The following NRG3 variants were observed in gnomAD, a reference collection of about 807,000 sequenced individuals.
NRG3 encodes the protein pro-neuregulin-3, membrane-bound isoform.
In NRG3, 31 loss-of-function variants were observed where a neutral mutation model predicts 66.9. The ratio of observed to expected loss-of-function variants is 0.46; its 90% CI spans 0.35 to 0.63. NRG3 has a LOEUF of 0.63. Ranked by LOEUF, NRG3 falls within the 20% of genes least tolerant of loss-of-function variation. The probability of loss-of-function intolerance (pLI) is 0.00; values close to 1 mark genes in which losing one functional copy is unlikely to be tolerated. For missense variants in NRG3, 910 were observed against 878.9 expected, an observed-to-expected ratio of 1.04 and a Z score of -0.45; for synonymous variants, 393 against 359.4, an observed-to-expected ratio of 1.09 and a Z score of -1.06.
intron 2 of NRG3, among the ~76,000 whole-genome samples, chr10:82,571,244 A>G (rs185504345): frequency 1.9e-3 from 287 of 151,786 alleles, no homozygotes; most frequent in African/African-American, 6.3e-3. Context: ...AATAAGAAAT[A>G]TACAAATAGG....
intron 3 of NRG3, among the ~76,000 whole-genome samples, chr10:82,832,824 G>T (rs2062594992): frequency 6.6e-6 from 1 of 151,872 alleles, no homozygotes; most frequent in African/African-American, 2.4e-5. Flanking sequence ...GTGTGTGTGT[G>T]TGTGTGTGTG....
intron 2 of NRG3, among the ~76,000 whole-genome samples, chr10:82,541,942 C>A (rs2132762684): frequency 6.6e-6 from 1 of 152,216 alleles, no homozygotes; most frequent in African/African-American, 2.4e-5. Flanking sequence ...TTCTGGGATG[C>A]ATGTGCTGAG....
At chr10:82,571,081 A>G (rs750223430) in intron 2 of NRG3, among the ~76,000 whole-genome samples, 1 of 151,528 alleles carries the variant, frequency 6.6e-6, no homozygotes, top group Non-Finnish European at 1.5e-5. Flanking sequence ...ATACATAGGT[A>G]TATATATTTT....
At chr10:81,982,643 C>G (rs1356067735) in intron 1 of NRG3, among the ~76,000 whole-genome samples, 3 of 152,238 alleles carry the variant, frequency 2.0e-5, no homozygotes, top group African/African-American at 7.2e-5. Flanking sequence ...TCTTCTGTCT[C>G]TGTTCCCACG....
chr10:82,395,950 T>A (rs950572331), intron 2 of NRG3, among the ~76,000 whole-genome samples: 1 of 152,228 alleles, frequency 6.6e-6, no homozygotes, highest in East Asian at 1.9e-4. Context: ...TAGTAAAATG[T>A]AATTTAAGAT....
At chr10:82,808,095 A>G (rs561411309) in intron 3 of NRG3, among the ~76,000 whole-genome samples, 1 of 152,082 alleles carries the variant, frequency 6.6e-6, no homozygotes, top group African/African-American at 2.4e-5. Flanking sequence ...AGGAACATTT[A>G]TGGTTAATTC....
At chr10:82,460,165 A>G (rs571932209) in intron 2 of NRG3, among the ~76,000 whole-genome samples, 2 of 152,310 alleles carry the variant, frequency 1.3e-5, no homozygotes, top group South Asian at 4.1e-4. Context: ...AACAGGAATA[A>G]TAGCCATACT....
rs556510059 is a variant in NRG3 at position 82,945,089 on chromosome 10, G to A, written c.1055-6380G>A. Among the ~76,000 whole-genome samples the A allele has an allele frequency of 5.9e-5, 9 of 152,056 alleles. No homozygotes were observed. In the East Asian group the frequency reaches 7.7e-4, roughly 13 times the overall value. On this transcript the variant is annotated intron_variant, in intron 4 of 8. Transcript: ENST00000372141. ...TTTTGGGAGCACCCCAGAAAGTCAC[G>A]GTATGAAGAATTTTGTGTACCTGAG...
chr10:82,658,712 CTT>C (rs2052073439), intron 2 of NRG3, among the ~76,000 whole-genome samples: 1 of 152,020 alleles, frequency 6.6e-6, no homozygotes, highest in Non-Finnish European at 1.5e-5. Context: ...TAGTTAGAAA[CTT>C]TTTGGGTGAG....
intron 2 of NRG3, among the ~76,000 whole-genome samples, chr10:82,713,169 G>T (rs937481798): frequency 1.3e-5 from 2 of 150,642 alleles, no homozygotes; most frequent in Non-Finnish European, 3.0e-5. Flanking sequence ...AGGCAAGAGG[G>T]CTAATGGGAG....
chr10:82,766,928 A>C (rs1263460425), intron 3 of NRG3, among the ~76,000 whole-genome samples: 2 of 150,932 alleles, frequency 1.3e-5, no homozygotes, highest in Non-Finnish European at 3.0e-5. Context: ...TACCTTACTC[A>C]TAGGTATATT....
intron 1 of NRG3, among the ~76,000 whole-genome samples, chr10:82,107,270 T>A (rs1399665934): frequency 1.3e-5 from 2 of 152,196 alleles, no homozygotes; most frequent in Non-Finnish European, 2.9e-5. Flanking sequence ...AAACTTGGAT[T>A]TTGGATTTTT....
chr10:82,213,420 C>T (rs776373638), intron 1 of NRG3, among the ~76,000 whole-genome samples: 6 of 152,130 alleles, frequency 3.9e-5, no homozygotes, highest in Non-Finnish European at 8.8e-5. Flanking sequence ...AAATTATCTT[C>T]TAGATTTTGT....
chr10:82,318,275 T>C (rs3862547), intron 1 of NRG3, among the ~76,000 whole-genome samples: 61,925 of 152,008 alleles, frequency 0.41, 18,262 homozygotes, highest in African/African-American at 0.83. Context: ...GGCAGGTTTG[T>C]GTGACCCAGT....
intron 1 of NRG3, among the ~76,000 whole-genome samples, chr10:82,005,897 T>TTGTGTGTGTG (rs58906037): frequency 0.027 from 4,089 of 148,778 alleles, 62 homozygotes; most frequent in South Asian, 0.043. Flanking sequence ...AATGTGTATT[T>TTGTGTGTGTG]TGTGTGTGTG....
intron 1 of NRG3, among the ~76,000 whole-genome samples, chr10:82,168,265 G>T (rs2133058933): frequency 6.6e-6 from 1 of 152,186 alleles, no homozygotes; most frequent in South Asian, 2.1e-4. Context: ...TGCTGTGCTT[G>T]AAACCTATTC....
chr10:82,050,994 A>C (rs2133129854), intron 1 of NRG3, among the ~76,000 whole-genome samples: 1 of 151,074 alleles, frequency 6.6e-6, no homozygotes, highest in East Asian at 1.9e-4. Context: ...TTCTGGAAAT[A>C]GTGGGGAGGT....
intron 2 of NRG3, among the ~76,000 whole-genome samples, chr10:82,406,386 T>A (rs1010916416): frequency 6.6e-6 from 1 of 152,166 alleles, no homozygotes; most frequent in African/African-American, 2.4e-5. Flanking sequence ...CACTTTCAGG[T>A]AGGCCATTAG....
intron 2 of NRG3, among the ~76,000 whole-genome samples, chr10:82,718,072 G>A (rs2057083409): frequency 6.6e-6 from 1 of 151,972 alleles, no homozygotes; most frequent in Non-Finnish European, 1.5e-5. Flanking sequence ...CTCTGTTAAA[G>A]GAAGACATTT....
Sources: gnomAD v4.1 joint callset for allele counts (sites outside exome capture counted in the v4.1 genomes callset) on GRCh38, gnomAD v4.1.1 for gene constraint, MANE v1.5 for transcripts, NCBI Gene and HGNC (gene_info 2026-07-23, HGNC 2026-07-21) for gene names.